The following NWD2 variants were observed in gnomAD, a reference collection of about 807,000 sequenced individuals.
NWD2 encodes NACHT and WD repeat domain containing 2, also known as NACHT and WD repeat domain-containing protein 2.
A neutral mutation model predicts 132.7 loss-of-function variants in NWD2; 37 were observed. The ratio of observed to expected loss-of-function variants is 0.28; its 90% CI spans 0.21 to 0.37. The LOEUF is 0.37. Ranked by LOEUF, NWD2 falls within the 10% of genes least tolerant of loss-of-function variation. The pLI, the probability that NWD2 is intolerant of heterozygous loss-of-function variation, is 1.00. For missense variants in NWD2, 1,592 were observed against 2,122.4 expected (o/e 0.75, Z 4.91); for synonymous variants, 705 against 803.0 (o/e 0.88, Z 2.06).
chr4:37,301,481 T>C (rs1376424152), intron 1 of NWD2, among the ~76,000 whole-genome samples: 1 of 152,062 alleles, frequency 6.6e-6, no homozygotes, highest in African/African-American at 2.4e-5. Context: ...TCTCCATATA[T>C]TATGCCTATC....
At chr4:37,400,458 A>G (rs1258507353) in intron 3 of NWD2, among the ~76,000 whole-genome samples, 2 of 152,236 alleles carry the variant, frequency 1.3e-5, no homozygotes, top group Non-Finnish European at 2.9e-5. Flanking sequence ...TGAGTGACAC[A>G]GAGAGTTCCC....
At chr4:37,315,007 A>G (rs530676660) in intron 1 of NWD2, among the ~76,000 whole-genome samples, 1 of 152,236 alleles carries the variant, frequency 6.6e-6, no homozygotes, top group East Asian at 1.9e-4. Context: ...TTTTTGATGC[A>G]TGAGTAATAA....
At chr4:37,422,132 C>G (rs1272837089) in intron 3 of NWD2, among the ~76,000 whole-genome samples, 1 of 152,186 alleles carries the variant, frequency 6.6e-6, no homozygotes, top group East Asian at 1.9e-4. Flanking sequence ...TGAGGAGACA[C>G]AAGTTAGTCC....
chr4:37,423,904 T>C (rs1321819697), intron 3 of NWD2, among the ~76,000 whole-genome samples: 1 of 152,214 alleles, frequency 6.6e-6, no homozygotes, highest in African/African-American at 2.4e-5. Flanking sequence ...AAGTATCTTA[T>C]GTTTGTATTA....
chr4:37,446,431 C>T lies in NWD2; in HGVS notation c.4443C>T (p.Ile1481=), dbSNP rs1284567910. The T allele has an allele frequency of 3.2e-6, 5 of 1,551,716 alleles. No homozygotes were observed. The highest frequency in any genetic ancestry group is 4.4e-6 in the Non-Finnish European group (5 of 1,146,988). The change falls in exon 7 of 7, where the codon ATC becomes ATT. Residue 1481 remains isoleucine, a synonymous_variant. Transcript: ENST00000309447. This position sits in a 1 kb window ranked among gnomAD's most constrained non-coding sequence, Gnocchi z 6.7. ...KKFCCEDGTT[I]VNFKLIPDCP... Reference sequence around the variant, plus strand: ...TTTGCTGTGAAGATGGGACCACCATCGTGAATTTTAAATTAATCCCTGACT... The same window carrying T: ...TTTGCTGTGAAGATGGGACCACCATTGTGAATTTTAAATTAATCCCTGACT...
chr4:37,419,385 C>G lies in NWD2; in HGVS notation c.358-11187C>G, dbSNP rs182578012. 2.7e-4 allele frequency among the ~76,000 whole-genome samples: 41 copies of G among 152,202 alleles called. No individual in the cohort carries two copies. In the East Asian group the frequency reaches 7.7e-3, roughly 29 times the overall value. ...GAACCAAGAGCAATGGCAACAAAAGCCAAAATTGACAAATGGAATCTAATT... is the reference window on the plus strand; with the variant it reads ...GAACCAAGAGCAATGGCAACAAAAGGCAAAATTGACAAATGGAATCTAATT... On this transcript the variant is annotated intron_variant, in intron 3 of 6. Transcript: ENST00000309447.
At chr4:37,285,365 A>G (rs111766824) in intron 1 of NWD2, among the ~76,000 whole-genome samples, 1 of 152,204 alleles carries the variant, frequency 6.6e-6, no homozygotes, top group Non-Finnish European at 1.5e-5. Flanking sequence ...GGCTGCCAAA[A>G]TATATTTGTA....
intron 2 of NWD2, among the ~76,000 whole-genome samples, chr4:37,337,354 C>G (rs1466623342): frequency 6.6e-6 from 1 of 152,174 alleles, no homozygotes; most frequent in Non-Finnish European, 1.5e-5. Flanking sequence ...ACAACATGGT[C>G]TCAGAGTGGG....
At chr4:37,252,186 A>T (rs1389673096) in intron 1 of NWD2, among the ~76,000 whole-genome samples, 1 of 152,218 alleles carries the variant, frequency 6.6e-6, no homozygotes, top group African/African-American at 2.4e-5. Context: ...AGAAAGAAAT[A>T]GTCTTTATCA....
chr4:37,381,929 C>T (rs1242981857), intron 3 of NWD2, among the ~76,000 whole-genome samples: 2 of 152,170 alleles, frequency 1.3e-5, no homozygotes, highest in African/African-American at 4.8e-5. Flanking sequence ...TGTGGGATAA[C>T]ATTTTTTTAA....
intron 2 of NWD2, among the ~76,000 whole-genome samples, chr4:37,334,169 A>G (rs978533377): frequency 3.9e-5 from 6 of 152,220 alleles, no homozygotes; most frequent in African/African-American, 9.6e-5. Context: ...TCCCAAACCT[A>G]TAGAAAGATC....
At chr4:37,293,007 A>G (rs1290533118) in intron 1 of NWD2, among the ~76,000 whole-genome samples, 2 of 152,198 alleles carry the variant, frequency 1.3e-5, no homozygotes, top group Non-Finnish European at 2.9e-5. Flanking sequence ...TAAAATGTCT[A>G]TACCTATTAA....
intron 2 of NWD2, among the ~76,000 whole-genome samples, chr4:37,349,629 G>A (rs1719721362): frequency 6.6e-6 from 1 of 152,164 alleles, no homozygotes; most frequent in African/African-American, 2.4e-5. Context: ...CTCCTATTCT[G>A]TAGGTTGCCT....
rs189784670 is a variant in NWD2, at chr4:37,362,305, A to G, written c.357+5823A>G. ...TACCAACGTCATTTTTCACAGAACTAGAAAAAACTATTCTAAAACTTATAT... is the reference window on the plus strand; with the variant it reads ...TACCAACGTCATTTTTCACAGAACTGGAAAAAACTATTCTAAAACTTATAT... On this transcript the variant is annotated intron_variant, in intron 3 of 6. Transcript: ENST00000309447. 1.8e-4 allele frequency among the ~76,000 whole-genome samples: 28 copies of G among 152,348 alleles called. No individual in the cohort carries two copies. The East Asian group carries it at 5.2e-3, about 28-fold the overall frequency.
intron 3 of NWD2, among the ~76,000 whole-genome samples, chr4:37,397,719 C>T (rs369670809): frequency 1.3e-5 from 2 of 152,226 alleles, no homozygotes; most frequent in Non-Finnish European, 2.9e-5. Flanking sequence ...AATTGCTTGA[C>T]GAAGGAAATT....
intron 3 of NWD2, among the ~76,000 whole-genome samples, chr4:37,393,133 T>C (rs961259016): frequency 5.3e-5 from 8 of 152,122 alleles, no homozygotes; most frequent in Non-Finnish European, 1.0e-4. Context: ...AAGCCATGAA[T>C]GTTGGGCCCT....
At chr4:37,268,136 G>C (rs1030662496) in intron 1 of NWD2, among the ~76,000 whole-genome samples, 4 of 151,868 alleles carry the variant, frequency 2.6e-5, no homozygotes, top group Non-Finnish European at 4.4e-5. Context: ...GAACTCAAGG[G>C]CCTGATTTGC....
At position 37,447,186 on chromosome 4, in the gene NWD2, C is replaced by T; in HGVS notation, c.5198C>T (p.Ala1733Val). Reference protein sequence around the residue: ...CYERVCSALEARGHSYAPDN With the variant: ...CYERVCSALEVRGHSYAPDN ...GAGCGGGTATGCTCGGCCCTAGAAG[C>T]CAGGGGCCACAGCTATGCCCCTGAT... is the stretch of plus-strand genomic sequence containing the variant. Residue 1733 changes from alanine to valine, a missense_variant, in exon 7 of 7, where the codon GCC (alanine) becomes GTC (valine). Physicochemically the swap from Ala to Val is moderately conservative, Grantham distance 64 (BLOSUM62 0). Transcript: ENST00000309447. The T allele has an allele frequency of 3.2e-6, 5 of 1,551,106 alleles. No homozygotes were observed. In the East Asian group the frequency reaches 1.2e-4, roughly 38 times the overall value.
In NWD2 at chr4:37,398,102, G is replaced by T. The variant is rs552447631; in HGVS notation, c.358-32470G>T. 2.0e-5 allele frequency among the ~76,000 whole-genome samples: 3 copies of T among 152,326 alleles called. No homozygotes were observed. The South Asian group carries it at 6.2e-4, about 32-fold the overall frequency. ...CAAATACTTACCATGGGCAGGCATT[G>T]TTCAAAGCACTCTATTCAAACATCA... On this transcript the variant is annotated intron_variant, in intron 3 of 6. Transcript: ENST00000309447.
Sources: gnomAD v4.1 joint callset for allele counts (sites outside exome capture counted in the v4.1 genomes callset) on GRCh38, gnomAD v4.1.1 for gene constraint, Gnocchi (gnomAD v3.1) non-coding constraint, MANE v1.5 for transcripts, NCBI Gene and HGNC (gene_info 2026-07-23, HGNC 2026-07-21) for gene names.